ATRNL1: variants seen among roughly 807,000 people sequenced by gnomAD.
ATRNL1 encodes the protein attractin like 1.
In ATRNL1, 95 loss-of-function variants were observed where a neutral mutation model predicts 182.7. That is an observed-to-expected ratio of 0.52 (90% CI 0.44 to 0.62). The LOEUF is 0.62. Ranked by LOEUF, ATRNL1 falls within the 20% of genes least tolerant of loss-of-function variation. The pLI is 0.00. For synonymous variants in ATRNL1, 576 were observed against 568.3 expected (o/e 1.01, Z -0.19); for missense variants, 1,471 against 1,679.5 (o/e 0.88, Z 2.17).
At chr10:115,380,663 A>G (rs549553562) in intron 19 of ATRNL1, among the ~76,000 whole-genome samples, 42 of 152,300 alleles carry the variant, frequency 2.8e-4, no homozygotes, top group South Asian at 1.9e-3. Context: ...TTTTTCATGT[A>G]GTGTAATAAA....
chr10:115,412,645 G>T (rs1554960162), intron 20 of ATRNL1, among the ~76,000 whole-genome samples: 1 of 152,222 alleles, frequency 6.6e-6, no homozygotes, highest in African/African-American at 2.4e-5. Context: ...TTCAGACTAG[G>T]AAGGAGATTT....
chr10:115,688,253 A>G (rs1273011012), intron 26 of ATRNL1, among the ~76,000 whole-genome samples: 6 of 152,262 alleles, frequency 3.9e-5, no homozygotes, highest in Admixed American at 2.6e-4. Flanking sequence ...TAGCTTTGCT[A>G]TCACGAACAT....
intron 10 of ATRNL1, among the ~76,000 whole-genome samples, chr10:115,259,963 A>G (rs1413804574): frequency 6.6e-6 from 1 of 152,250 alleles, no homozygotes; most frequent in South Asian, 2.1e-4. Flanking sequence ...ACAAATGTCT[A>G]TCAAAAGTAT....
At chr10:115,243,508 A>G (rs1334922811) in intron 10 of ATRNL1, among the ~76,000 whole-genome samples, 1 of 152,072 alleles carries the variant, frequency 6.6e-6, no homozygotes, top group African/African-American at 2.4e-5. Flanking sequence ...TAAACAGATG[A>G]GAGTAACAGG....
At chr10:115,319,129 C>T (rs1854454236) in intron 18 of ATRNL1, among the ~76,000 whole-genome samples, 1 of 152,008 alleles carries the variant, frequency 6.6e-6, no homozygotes, top group Admixed American at 6.6e-5. Context: ...TTCTTTTCTG[C>T]GTTAGTTTTG....
At chr10:115,500,338 G>A (rs532617053) in intron 24 of ATRNL1, among the ~76,000 whole-genome samples, 4 of 152,240 alleles carry the variant, frequency 2.6e-5, no homozygotes, top group African/African-American at 7.2e-5. Flanking sequence ...TTGCAGATTT[G>A]TAGTCAAGAA....
chr10:115,093,848 C>T lies in ATRNL1; in HGVS notation c.98C>T (p.Ser33Phe). The T allele has an allele frequency of 6.5e-7, 1 of 1,547,014 alleles. No homozygotes were observed. Among genetic ancestry groups the T allele is most frequent in the East Asian group, 2.6e-5 (1 of 39,050 alleles). The change falls in exon 1 of 29, where the codon TCC becomes TTC. Residue 33 changes from serine (S) to phenylalanine (F), a missense_variant. Transcript: ENST00000355044. This position sits in a 1 kb window ranked among gnomAD's most constrained non-coding sequence, Gnocchi z 6.1. ...RPAGGGGGGA[S>F]SWLLDGNSWL... is the part of the protein sequence containing the mutation. ...GCGGGCGGCGGCGGCGGGGGCGCCT[C>T]CTCCTGGCTGCTGGACGGGAACAGC...
At chr10:115,867,040 C>T (rs1264634896) in intron 28 of ATRNL1, among the ~76,000 whole-genome samples, 1 of 152,180 alleles carries the variant, frequency 6.6e-6, no homozygotes, top group East Asian at 1.9e-4. Context: ...AAATTCAAAC[C>T]TTTACCATAA....
At chr10:115,837,221 T>C (rs1950695123) in intron 27 of ATRNL1, among the ~76,000 whole-genome samples, 1 of 152,054 alleles carries the variant, frequency 6.6e-6, no homozygotes, top group East Asian at 1.9e-4. Context: ...TACACAAATA[T>C]ATTTAGTTTG....
chr10:115,879,685 TC>T lies in ATRNL1; in HGVS notation c.4018+31698del, dbSNP rs1473922078. Among the ~76,000 whole-genome samples the T allele has an allele frequency of 3.3e-5, 5 of 152,144 alleles. No homozygotes were observed. The East Asian group carries it at 9.6e-4, about 29-fold the overall frequency. ...ATAGTAGTCACTTAGCTGCTTTAAA[TC>T]CCCTTTTTAGCAATAGATTGTAAAT... On this transcript the variant is annotated intron_variant, in intron 28 of 28. Coordinates refer to ENST00000355044, the MANE Select transcript of ATRNL1 (RefSeq NM_207303.4).
At chr10:115,776,757 C>A (rs896165526) in intron 27 of ATRNL1, among the ~76,000 whole-genome samples, 1 of 152,152 alleles carries the variant, frequency 6.6e-6, no homozygotes, top group African/African-American at 2.4e-5. Context: ...TGGCAAAGAT[C>A]TTGAGAGATG....
intron 24 of ATRNL1, among the ~76,000 whole-genome samples, chr10:115,477,395 A>G (rs1253444705): frequency 6.6e-6 from 1 of 151,594 alleles, no homozygotes; most frequent in Non-Finnish European, 1.5e-5. Context: ...ATTAGTTGAC[A>G]TTCTTAACTG....
At chr10:115,334,522 T>C (rs1855390605) in intron 19 of ATRNL1, 103 bp downstream of exon 19, 7 of 775,770 alleles carry the variant, frequency 9.0e-6, no homozygotes, top group Non-Finnish European at 1.1e-5. Flanking sequence ...AGAAAATTTT[T>C]TACTCAGTTT....
At chr10:115,577,286 G>A (rs148159085) in intron 26 of ATRNL1, among the ~76,000 whole-genome samples, 51 of 151,790 alleles carry the variant, frequency 3.4e-4, no homozygotes, top group African/African-American at 1.2e-3. Context: ...TTTTAATAGG[G>A]ATTATGTTGA....
chr10:115,690,146 T>G (rs1555047621), intron 26 of ATRNL1, among the ~76,000 whole-genome samples: 1 of 152,136 alleles, frequency 6.6e-6, no homozygotes, highest in African/African-American at 2.4e-5. Context: ...ATGTGCTTTG[T>G]TTCCTTTGTC....
chr10:115,839,457 C>G (rs1950753014), intron 27 of ATRNL1, among the ~76,000 whole-genome samples: 1 of 152,188 alleles, frequency 6.6e-6, no homozygotes, highest in Non-Finnish European at 1.5e-5. Context: ...TGCCTCTTCT[C>G]ATCCCTCTTT....
intron 26 of ATRNL1, among the ~76,000 whole-genome samples, chr10:115,561,704 G>GGGGTGTGTGTGTGT (rs1554999765): frequency 7.6e-5 from 11 of 144,938 alleles, no homozygotes; most frequent in South Asian, 4.3e-4. Context: ...TGTGTGTGTG[G>GGGGTGTGTGTGTGT]GTGTGTGTGT....
At chr10:115,728,544 C>T (rs1253570171) in intron 27 of ATRNL1, among the ~76,000 whole-genome samples, 3 of 151,556 alleles carry the variant, frequency 2.0e-5, no homozygotes, top group Non-Finnish European at 4.4e-5. Context: ...TACTTTTTGT[C>T]AAGGAAAATA....
At chr10:115,302,528 T>G (rs539831218) in intron 17 of ATRNL1, among the ~76,000 whole-genome samples, 1 of 152,316 alleles carries the variant, frequency 6.6e-6, no homozygotes, top group Non-Finnish European at 1.5e-5. Context: ...GGCAAGAATA[T>G]TTTATCAATG....
Sources: gnomAD v4.1 joint callset for allele counts (sites outside exome capture counted in the v4.1 genomes callset) on GRCh38, gnomAD v4.1.1 for gene constraint, Gnocchi (gnomAD v3.1) non-coding constraint, MANE v1.5 for transcripts, NCBI Gene and HGNC (gene_info 2026-07-23, HGNC 2026-07-21) for gene names.